The following LHFPL3 variants were observed in gnomAD, a reference collection of about 807,000 sequenced individuals.
LHFPL3 encodes LHFPL tetraspan subfamily member 3 protein.
A neutral mutation model predicts 19.3 loss-of-function variants in LHFPL3; 5 were observed. The observed-to-expected ratio is 0.26, with a 90% confidence interval of 0.14 to 0.54. The LOEUF (loss-of-function observed/expected upper bound fraction) is 0.54. Ranked by LOEUF, LHFPL3 falls within the 20% of genes least tolerant of loss-of-function variation. LHFPL3 has a pLI of 0.94. For synonymous variants in LHFPL3, 133 were observed against 126.2 expected (o/e 1.05, Z -0.36); for missense variants, 249 against 307.4 (o/e 0.81, Z 1.42).
chr7:104,366,656 T>A (rs1790500470), intron 1 of LHFPL3, among the ~76,000 whole-genome samples: 1 of 152,196 alleles, frequency 6.6e-6, no homozygotes, highest in Non-Finnish European at 1.5e-5. Context: ...CAGCTGTGCC[T>A]CCCACTTCTA....
chr7:104,777,794 C>A (rs1794657600), intron 2 of LHFPL3, among the ~76,000 whole-genome samples: 1 of 151,716 alleles, frequency 6.6e-6, no homozygotes, highest in Non-Finnish European at 1.5e-5. Flanking sequence ...AGTGACTCAC[C>A]TGAAGATAAG....
chr7:104,570,999 C>A (rs1040863942), intron 1 of LHFPL3, among the ~76,000 whole-genome samples: 3 of 152,138 alleles, frequency 2.0e-5, no homozygotes, highest in African/African-American at 7.2e-5. Context: ...AAACATACTG[C>A]CCTTAGTGTT....
At chr7:104,833,932 C>T (rs1466031778) in intron 2 of LHFPL3, among the ~76,000 whole-genome samples, 1 of 122,188 alleles carries the variant, frequency 8.2e-6, no homozygotes, top group Non-Finnish European at 1.7e-5. Context: ...TACATGATCA[C>T]AAGTTCCCAC....
intron 1 of LHFPL3, among the ~76,000 whole-genome samples, chr7:104,390,917 C>T (rs1791052770): frequency 6.6e-6 from 1 of 152,222 alleles, no homozygotes; most frequent in African/African-American, 2.4e-5. Context: ...TTTTGATTTG[C>T]ATTTCTCTGA....
At chr7:104,507,793 G>A (rs1277436884) in intron 1 of LHFPL3, among the ~76,000 whole-genome samples, 225 of 126,566 alleles carry the variant, frequency 1.8e-3, no homozygotes, top group African/African-American at 6.7e-3. Context: ...CAAAAAGTGG[G>A]TGAAGGACAT....
intron 1 of LHFPL3, among the ~76,000 whole-genome samples, chr7:104,476,516 A>G (rs73405792): frequency 0.11 from 16,187 of 151,790 alleles, 1,387 homozygotes; most frequent in African/African-American, 0.24. Flanking sequence ...CTGGAGTGCA[A>G]ATGGCACGAT....
At chr7:104,875,027 T>TA (rs1562822368) in intron 2 of LHFPL3, among the ~76,000 whole-genome samples, 3 of 151,830 alleles carry the variant, frequency 2.0e-5, no homozygotes, top group East Asian at 3.9e-4. Context: ...ATTTTTTTTT[T>TA]TAGAGAGATG....
Position 104,453,851 on chromosome 7 carries a change from G to T in LHFPL3, c.445+124627G>T, listed in dbSNP as rs75446105. Among the ~76,000 whole-genome samples the T allele has an allele frequency of 7.1e-3, 1,080 of 152,184 alleles. 11 individuals are homozygous for T. Among genetic ancestry groups the T allele is most frequent in the African/African-American group, 0.024 (1,014 of 41,514 alleles). On this transcript the variant is annotated intron_variant, in intron 1 of 2. Coordinates refer to ENST00000424859, the MANE Select transcript of LHFPL3 (RefSeq NM_199000.3). ...CCTCACTTGCTCCTGCTTCAGCCACGTGATGTTCCTGCTCCCCCATCGCCT... is the reference window on the plus strand; with the variant it reads ...CCTCACTTGCTCCTGCTTCAGCCACTTGATGTTCCTGCTCCCCCATCGCCT...
intron 1 of LHFPL3, among the ~76,000 whole-genome samples, chr7:104,425,607 G>C (rs569931744): frequency 2.0e-5 from 3 of 152,170 alleles, no homozygotes; most frequent in Non-Finnish European, 2.9e-5. Flanking sequence ...AAGGGAAAAA[G>C]TGTAGCTGAA....
chr7:104,438,991 G>T (rs1372763962), intron 1 of LHFPL3, among the ~76,000 whole-genome samples: 1 of 152,112 alleles, frequency 6.6e-6, no homozygotes, highest in Non-Finnish European at 1.5e-5. Context: ...CAACTTAGAT[G>T]AAATTGACAA....
intron 1 of LHFPL3, among the ~76,000 whole-genome samples, chr7:104,530,224 G>A (rs1794270335): frequency 6.6e-6 from 1 of 152,192 alleles, no homozygotes; most frequent in South Asian, 2.1e-4. Flanking sequence ...TTTTACATCT[G>A]ACAGAAAGGA....
At chr7:104,422,413 C>T (rs537084382) in intron 1 of LHFPL3, among the ~76,000 whole-genome samples, 2 of 152,146 alleles carry the variant, frequency 1.3e-5, no homozygotes, top group South Asian at 4.2e-4. Flanking sequence ...TGTAACCCAT[C>T]CAGTCTATGG....
At chr7:104,424,761 G>A (rs1440816445) in intron 1 of LHFPL3, among the ~76,000 whole-genome samples, 1 of 152,082 alleles carries the variant, frequency 6.6e-6, no homozygotes, top group African/African-American at 2.4e-5. Context: ...GGAGGCCAAG[G>A]CAGGCAGATC....
intron 1 of LHFPL3, among the ~76,000 whole-genome samples, chr7:104,584,742 AG>A (rs1232636730): frequency 6.6e-6 from 1 of 152,146 alleles, no homozygotes; most frequent in Non-Finnish European, 1.5e-5. Context: ...ACTTCAAGGA[AG>A]TAGTAAAACC....
intron 2 of LHFPL3, among the ~76,000 whole-genome samples, chr7:104,889,169 A>G: frequency 6.6e-6 from 1 of 152,262 alleles, no homozygotes; most frequent in East Asian, 1.9e-4. Flanking sequence ...TGATAAATGC[A>G]TAATTAAACA....
intron 2 of LHFPL3, among the ~76,000 whole-genome samples, chr7:104,837,467 A>C (rs561498511): frequency 5.9e-5 from 9 of 152,322 alleles, no homozygotes; most frequent in Admixed American, 5.9e-4. Context: ...AATTGTACTA[A>C]ATCTTCCCTG....
At chr7:104,717,273 AG>A (rs895147907) in intron 1 of LHFPL3, among the ~76,000 whole-genome samples, 1 of 152,216 alleles carries the variant, frequency 6.6e-6, no homozygotes, top group Admixed American at 6.5e-5. Context: ...TGACACCAAA[AG>A]CACAGGTAAC....
chr7:104,665,431 TA>T (rs571356882), intron 1 of LHFPL3, among the ~76,000 whole-genome samples: 1 of 152,164 alleles, frequency 6.6e-6, no homozygotes, highest in African/African-American at 2.4e-5. Context: ...TCCATTCCAT[TA>T]AAAAAATGTA....
intron 2 of LHFPL3, among the ~76,000 whole-genome samples, chr7:104,899,260 G>C (rs1398926185): frequency 6.6e-6 from 1 of 152,120 alleles, no homozygotes; most frequent in Non-Finnish European, 1.5e-5. Context: ...TTGAAGCACA[G>C]ATATGTAAAA....
Sources: allele counts gnomAD v4.1 joint callset (sites outside exome capture counted in the v4.1 genomes callset), GRCh38; gene constraint gnomAD v4.1.1; transcripts MANE v1.5; gene names NCBI Gene and HGNC (gene_info 2026-07-23, HGNC 2026-07-21).